Variants in DLGAP4 observed in about 807,000 individuals in gnomAD.
DLGAP4 encodes the protein disks large-associated protein 4.
Under a neutral mutation model 86.9 loss-of-function variants are expected in DLGAP4, and 18 were observed. That is an observed-to-expected ratio of 0.21 (90% CI 0.14 to 0.31). DLGAP4 has a LOEUF of 0.31. DLGAP4 is among the 10% of genes least tolerant of loss of function. DLGAP4 has a pLI of 1.00. For synonymous variants in DLGAP4, 548 were observed against 574.3 expected (o/e 0.95, Z 0.65); for missense variants, 1,085 against 1,362.6 (o/e 0.80, Z 3.21).
intron 7 of DLGAP4, among the ~76,000 whole-genome samples, chr20:36,489,677 CTG>C (rs1641248137): frequency 1.3e-5 from 2 of 151,916 alleles, no homozygotes; most frequent in Non-Finnish European, 2.9e-5. Flanking sequence ...CAGGGGGCAT[CTG>C]TGGTAGTCTC....
At chr20:36,383,711 C>T (rs1291054268) in intron 2 of DLGAP4, among the ~76,000 whole-genome samples, 1 of 152,078 alleles carries the variant, frequency 6.6e-6, no homozygotes, top group East Asian at 1.9e-4. Flanking sequence ...CGCAGTGGCT[C>T]ACGCCTGTAA....
rs1292932933 is a variant in DLGAP4 at position 36,497,015 on chromosome 20, G to T, written c.1959G>T (p.Glu653Asp). Reference protein sequence around the residue: ...KSEQGTLTSSESHPEAAPKRK... With the variant: ...KSEQGTLTSSDSHPEAAPKRK... ...AACAAGGGACGCTGACCAGCTCTGA[G>T]TCCCACCCCGAGGCCGCCCCCAAAA... Residue 653 changes from glutamate (E) to aspartate (D), a missense_variant, in exon 8 of 13, where the codon GAG becomes GAT. By Grantham distance (45) the Glu-to-Asp change is conservative. This residue lies in a region of DLGAP4 where 1,082 missense variants were observed against 1,344.1 expected (regional missense o/e 0.81). Transcript: ENST00000339266. The T allele has an allele frequency of 2.5e-6, 4 of 1,612,674 alleles. No individual in the cohort carries two copies. The highest frequency in any genetic ancestry group is 3.4e-6 in the Non-Finnish European group (4 of 1,178,890).
intron 1 of DLGAP4, among the ~76,000 whole-genome samples, chr20:36,351,552 C>A (rs1359537229): frequency 6.6e-6 from 1 of 151,952 alleles, no homozygotes; most frequent in African/African-American, 2.4e-5. Flanking sequence ...CCAACTGATT[C>A]TGCGTTATGG....
At chr20:36,368,462 C>T (rs963704218) in intron 2 of DLGAP4, among the ~76,000 whole-genome samples, 3 of 152,262 alleles carry the variant, frequency 2.0e-5, no homozygotes, top group Admixed American at 6.5e-5. Context: ...AGAAGTGCTT[C>T]TGTGAGAACA....
intron 2 of DLGAP4, among the ~76,000 whole-genome samples, chr20:36,416,510 C>T (rs1472149815): frequency 6.6e-6 from 1 of 152,238 alleles, no homozygotes; most frequent in South Asian, 2.1e-4. Flanking sequence ...GGATGTCTGT[C>T]GCCCTCTCCA....
rs867108938 is a variant in DLGAP4 at position 36,396,526 on chromosome 20, C to T, written c.-73+29251C>T. On this transcript the variant is annotated intron_variant, in intron 2 of 12. Transcript: ENST00000339266. Reference sequence around the variant, plus strand: ...CATACACACACACCACATACATACACGTGCACACACACGCACACACACACC... The same window carrying T: ...CATACACACACACCACATACATACATGTGCACACACACGCACACACACACC... Among the ~76,000 whole-genome samples the T allele has an allele frequency of 5.9e-4, 67 of 113,412 alleles. No individual in the cohort carries two copies. The South Asian group carries it at 0.016, about 27-fold the overall frequency. 74.4% of individuals were successfully genotyped at this position (113,412 alleles called of 152,430 possible).
intron 4 of DLGAP4, among the ~76,000 whole-genome samples, chr20:36,438,212 A>AT (rs2033341442): frequency 6.6e-6 from 1 of 151,958 alleles, no homozygotes; most frequent in South Asian, 2.1e-4. Flanking sequence ...CATCTCTACT[A>AT]AAAGTATATA....
chr20:36,466,930 C>T (rs1287929806), intron 7 of DLGAP4, among the ~76,000 whole-genome samples: 1 of 147,488 alleles, frequency 6.8e-6, no homozygotes, highest in Non-Finnish European at 1.5e-5. Context: ...CTCTTGCTCT[C>T]TCTCTCTCTC....
At chr20:36,487,533 G>C (rs1355420753) in intron 7 of DLGAP4, among the ~76,000 whole-genome samples, 2 of 152,046 alleles carry the variant, frequency 1.3e-5, no homozygotes, top group East Asian at 3.9e-4. Flanking sequence ...CTCCCTCCAC[G>C]AGCTAAGGTA....
At chr20:36,353,060 T>A (rs1555893574) in intron 1 of DLGAP4, among the ~76,000 whole-genome samples, 1 of 152,186 alleles carries the variant, frequency 6.6e-6, no homozygotes, top group Non-Finnish European at 1.5e-5. Flanking sequence ...TCCTTGACTC[T>A]GGTGAATCAT....
intron 1 of DLGAP4, among the ~76,000 whole-genome samples, chr20:36,312,819 G>A (rs2065064776): frequency 6.6e-6 from 1 of 152,176 alleles, no homozygotes; most frequent in Non-Finnish European, 1.5e-5. Context: ...TAAGCCTGCG[G>A]GGGCAGACAG....
rs572754631 is a variant in DLGAP4, at chr20:36,436,772, C to T, written c.1241+422C>T. Among the ~76,000 whole-genome samples the T allele has an allele frequency of 4.6e-5, 7 of 151,054 alleles. No homozygotes were observed. In the South Asian group the frequency reaches 1.5e-3, roughly 32 times the overall value. On this transcript the variant is annotated intron_variant, in intron 4 of 12. Coordinates refer to ENST00000339266, the MANE Select transcript of DLGAP4 (RefSeq NM_001365621.2). ...CGGAGATTGCAGTGAGCCGAGATCG[C>T]GCCACTGCACTCCAGCCTGGGCGAC...
At chr20:36,457,029 G>C (rs559340417) in intron 7 of DLGAP4, among the ~76,000 whole-genome samples, 70 of 152,312 alleles carry the variant, frequency 4.6e-4, no homozygotes, top group Non-Finnish European at 7.9e-4. Flanking sequence ...GGAAATCCTT[G>C]CCTTCATGGA....
At chr20:36,523,981 T>C (rs1419082736) in intron 10 of DLGAP4, among the ~76,000 whole-genome samples, 1 of 152,214 alleles carries the variant, frequency 6.6e-6, no homozygotes, top group Non-Finnish European at 1.5e-5. Context: ...CCATGATTTA[T>C]GTTTTTCTGG....
At chr20:36,492,082 A>C (rs1268536524) in intron 7 of DLGAP4, among the ~76,000 whole-genome samples, 1 of 152,224 alleles carries the variant, frequency 6.6e-6, no homozygotes, top group African/African-American at 2.4e-5. Flanking sequence ...GAAGCCTTCC[A>C]GGCAGAAGAA....
At chr20:36,484,398 C>T (rs547219375) in intron 7 of DLGAP4, among the ~76,000 whole-genome samples, 3 of 152,330 alleles carry the variant, frequency 2.0e-5, no homozygotes, top group South Asian at 2.1e-4. Context: ...AAAAGCCCCT[C>T]ATACCCTTGA....
intron 3 of DLGAP4, among the ~76,000 whole-genome samples, chr20:36,435,045 G>T (rs904441554): frequency 2.0e-5 from 3 of 152,024 alleles, no homozygotes; most frequent in Admixed American, 6.5e-5. Context: ...TAGTGGGAAG[G>T]TGGGTGTGCT....
intron 1 of DLGAP4, among the ~76,000 whole-genome samples, chr20:36,327,213 TG>T (rs2147352878): frequency 6.6e-6 from 1 of 152,194 alleles, no homozygotes; most frequent in South Asian, 2.1e-4. Flanking sequence ...TTGGCCGGGC[TG>T]GTCTTGAACT....
At chr20:36,355,537 T>A (rs1473087482) in intron 1 of DLGAP4, among the ~76,000 whole-genome samples, 3 of 152,254 alleles carry the variant, frequency 2.0e-5, no homozygotes, top group Admixed American at 6.5e-5. Flanking sequence ...GCTCAAGCAG[T>A]CTTCCTGCCT....
Sources: allele counts gnomAD v4.1 joint callset (sites outside exome capture counted in the v4.1 genomes callset), GRCh38; gene constraint gnomAD v4.1.1; regional missense constraint gnomAD v4.1.1; transcripts MANE v1.5; gene names NCBI Gene and HGNC (gene_info 2026-07-23, HGNC 2026-07-21).